AMER1: variants seen among roughly 807,000 people sequenced by gnomAD.
AMER1 encodes the protein APC membrane recruitment protein 1, also known as RP11-403E24.2.
AMER1 carries 16 observed loss-of-function variants against 53.0 expected under a neutral mutation model. The observed-to-expected ratio is 0.30, with a 90% CI of 0.20 to 0.46. AMER1 has a LOEUF of 0.46. AMER1 is among the 20% of genes least tolerant of loss of function. The pLI, the probability that AMER1 is intolerant of heterozygous loss-of-function variation, is 1.00. For missense variants in AMER1, 947 were observed against 884.9 expected, an observed-to-expected ratio of 1.07 and a Z score of -0.89; for synonymous variants, 354 against 331.9, an observed-to-expected ratio of 1.07 and a Z score of -0.73.
chrX:64,199,276 A>G (rs950695223), intron 1 of AMER1, among the ~76,000 whole-genome samples: 1 of 112,138 alleles, frequency 8.9e-6, no homozygotes, highest in Non-Finnish European at 1.9e-5. Context: ...CTGTTCATTC[A>G]TCTCTCTCAA....
intron 1 of AMER1, among the ~76,000 whole-genome samples, chrX:64,198,174 T>TA (rs1170814911): frequency 8.9e-6 from 1 of 112,086 alleles, no homozygotes; most frequent in Non-Finnish European, 1.9e-5. Context: ...TTCAGGGACC[T>TA]AAAAGAGTCA....
At chrX:64,193,452 G>T in intron 1 of AMER1, 68 bp from the exon 2 acceptor site, 2 of 731,464 alleles carry the variant, frequency 2.7e-6, no homozygotes, top group Non-Finnish European at 4.0e-6. Flanking sequence ...GGCTGGGTTT[G>T]CTTTCACCGG....
chrX:64,204,136 G>C (rs111573577), intron 1 of AMER1, among the ~76,000 whole-genome samples: 9,297 of 112,493 alleles, frequency 0.083, 993 homozygotes, highest in African/African-American at 0.29. Context: ...GTGCACCATG[G>C]TGCAGTGACT....
Position 64,185,647 on chromosome X carries a change from T to A in AMER1, c.*4232A>T, listed in dbSNP as rs1602064321. Reference sequence around the variant, plus strand: ...AAAGTCACTGTTCCCCAAAGTACCATCCACGTGTGAGCTGGAGCAGGGCAG... The same window carrying A: ...AAAGTCACTGTTCCCCAAAGTACCAACCACGTGTGAGCTGGAGCAGGGCAG... On this transcript the variant is annotated 3_prime_UTR_variant, in exon 2 of 2. Transcript: ENST00000374869. The A allele has an allele frequency of 5.7e-6, 1 of 174,333 alleles. No individual in the cohort carries two copies. Among genetic ancestry groups the A allele is most frequent in the Non-Finnish European group, 1.1e-5 (1 of 91,863 alleles). 14.4% of individuals were successfully genotyped at this position (174,333 alleles called of 1,213,427 possible). A position where few individuals can be genotyped will look rare whatever the true frequency, so the allele number is the denominator to read the frequency against.
intron 1 of AMER1, among the ~76,000 whole-genome samples, chrX:64,200,048 G>A (rs1930453654): frequency 8.9e-6 from 1 of 112,690 alleles, no homozygotes; most frequent in African/African-American, 3.2e-5. Flanking sequence ...AGGCTCTTGA[G>A]GTCCCCTCCC....
chrX:64,190,546 C>T lies in AMER1; in HGVS notation c.2741G>A (p.Gly914Asp), dbSNP rs750585107. ...MELSNSHLVQ[G>D]YLESDELQAQ... ...CTGCAGCTCATCAGACTCGAGGTAGCCCTGGACCAAGTGGGAATTGGAGAG... is the reference window on the plus strand; with the variant it reads ...CTGCAGCTCATCAGACTCGAGGTAGTCCTGGACCAAGTGGGAATTGGAGAG... Residue 914 changes from glycine (G) to aspartate (D), a missense_variant, in exon 2 of 2, where the codon GGC becomes GAC. Physicochemically the swap from Gly to Asp is moderately conservative, Grantham distance 94. Coordinates refer to ENST00000374869, the MANE Select transcript of AMER1 (RefSeq NM_152424.4). 6.6e-6 allele frequency: 8 copies of T among 1,211,823 alleles called. No individual in the cohort carries two copies. The highest frequency in any genetic ancestry group is 8.9e-6 in the Non-Finnish European group (8 of 895,483).
Position 64,187,696 on chromosome X carries a change from G to C in AMER1, c.*2183C>G. ...GGCAAGAGGTGGGTTCTTCCCTGTT[G>C]TAAAGGCATTTGGTGAGTGTTTACT... On this transcript the variant is annotated 3_prime_UTR_variant, in exon 2 of 2. Coordinates refer to ENST00000374869, the MANE Select transcript of AMER1 (RefSeq NM_152424.4). 1.3e-6 allele frequency: 1 copy of C among 775,069 alleles called. No homozygotes were observed. Among genetic ancestry groups the C allele is most frequent in the Non-Finnish European group, 1.5e-6 (1 of 651,206 alleles). The allele number at this position is 775,069 out of a possible 1,213,427, so 63.9% of individuals were successfully genotyped here.
intron 1 of AMER1, among the ~76,000 whole-genome samples, chrX:64,196,502 A>G (rs1380415763): frequency 1.8e-5 from 2 of 112,265 alleles, no homozygotes; most frequent in Non-Finnish European, 3.8e-5. Flanking sequence ...GCAACTGACC[A>G]TGTGTTAAAG....
In AMER1 at chrX:64,190,565, T is replaced by C. The variant is rs2147085448; in HGVS notation, c.2722A>G (p.Asn908Asp). 5.0e-6 allele frequency: 6 copies of C among 1,211,798 alleles called. No homozygotes were observed. The highest frequency in any genetic ancestry group is 6.7e-6 in the Non-Finnish European group (6 of 895,406). The change falls in exon 2 of 2, where the codon AAT (asparagine) becomes GAT (aspartate). Residue 908 changes from asparagine to aspartate, a missense_variant. Transcript: ENST00000374869. ...TAETLEMELS[N>D]SHLVQGYLES... Reference sequence around the variant, plus strand: ...AGGTAGCCCTGGACCAAGTGGGAATTGGAGAGCTCCATCTCCAGGGTCTCT... The same window carrying C: ...AGGTAGCCCTGGACCAAGTGGGAATCGGAGAGCTCCATCTCCAGGGTCTCT...
rs757705173 is a variant in AMER1 at position 64,197,024 on chromosome X, C to T, written c.-98-3640G>A. Among the ~76,000 whole-genome samples the T allele has an allele frequency of 1.4e-4, 16 of 112,563 alleles. No homozygotes were observed. The South Asian group carries it at 5.5e-3, about 39-fold the overall frequency. On this transcript the variant is annotated intron_variant, in intron 1 of 1. Coordinates refer to ENST00000374869, the MANE Select transcript of AMER1 (RefSeq NM_152424.4). ...TGGGTTATGCTGCCTTTACTTAGGA[C>T]CACAAGAGTTCACCAAGAGAGTGAG...
At position 64,193,204 on chromosome X, in the gene AMER1, C is replaced by G. The variant is rs770660992; in HGVS notation, c.83G>C (p.Gly28Ala). The part of the protein sequence containing the change: ...GSTREQTAEK[G>A]AKNKAAEATE... ...CGCCTCAGCTGCCTTGTTCTTGGCT[C>G]CTTTTTCTGCTGTTTGTTCACGGGT... The change falls in exon 2 of 2, where the codon GGA becomes GCA. Residue 28 changes from glycine (G) to alanine (A), a missense_variant. Physicochemically the swap from Gly to Ala is moderately conservative, Grantham distance 60. Coordinates refer to ENST00000374869, the MANE Select transcript of AMER1 (RefSeq NM_152424.4). 2 of 1,210,309 alleles carry G rather than the reference C, an allele frequency of 1.7e-6. No homozygotes were observed. The highest frequency in any genetic ancestry group is 3.5e-5 in the African/African-American group (2 of 57,268).
Position 64,190,047 on chromosome X carries a change from G to A in AMER1, c.3240C>T (p.Ile1080=), listed in dbSNP as rs2147084194. The A allele has an allele frequency of 4.1e-6, 5 of 1,204,958 alleles. No individual in the cohort carries two copies. Among genetic ancestry groups the A allele is most frequent in the Non-Finnish European group, 5.6e-6 (5 of 891,758 alleles). The change falls in exon 2 of 2, where the codon ATC becomes ATT. Residue 1080 remains isoleucine (I), a synonymous_variant. Transcript: ENST00000374869. Reference sequence around the variant, plus strand: ...TGGGCAGCTGAGGAATGCCATGGGTGATGCCCACAGGCTTGGCCTGTGGTA... The same window carrying A: ...TGGGCAGCTGAGGAATGCCATGGGTAATGCCCACAGGCTTGGCCTGTGGTA... ...SPLPQAKPVG[I]THGIPQLPRV... is the part of the protein sequence containing the mutation.
chrX:64,193,414 G>A, intron 1 of AMER1, 30 bp from the exon 2 acceptor site: 1 of 1,025,523 alleles, frequency 9.8e-7, no homozygotes, highest in East Asian at 3.1e-5. Flanking sequence ...CAAAGACAGA[G>A]AGACAGATAC....
chrX:64,201,021 A>C (rs1279979511), intron 1 of AMER1, among the ~76,000 whole-genome samples: 1 of 110,884 alleles, frequency 9.0e-6, no homozygotes, highest in East Asian at 2.8e-4. Context: ...CGGGGGTAAA[A>C]ACTGTAGGAG....
rs774076618 is a variant in AMER1 at position 64,190,951 on chromosome X, T to C, written c.2336A>G (p.Asn779Ser). The change falls in exon 2 of 2, where the codon AAT (asparagine) becomes AGT (serine). Residue 779 changes from asparagine to serine, a missense_variant. Physicochemically the swap from Asn to Ser is conservative, Grantham distance 46. Coordinates refer to ENST00000374869, the MANE Select transcript of AMER1 (RefSeq NM_152424.4). The stretch of plus-strand genomic sequence containing the variant: ...GGACATGCTGGAAAAGAGGTTCCCA[T>C]TGCTGGTGAACTCTACCAGGGCCTG... ...FSQALVEFTS[N>S]GNLFSSMSCS... 7 of 1,209,493 alleles carry C rather than the reference T, an allele frequency of 5.8e-6. No individual in the cohort carries two copies. The highest frequency in any genetic ancestry group is 6.7e-6 in the Non-Finnish European group (6 of 894,996).
At chrX:64,199,633 T>G (rs937620706) in intron 1 of AMER1, among the ~76,000 whole-genome samples, 1 of 111,180 alleles carries the variant, frequency 9.0e-6, no homozygotes, top group Non-Finnish European at 1.9e-5. Context: ...AGCTCCCCAA[T>G]TGCCACCCCA....
rs2147084402 is a variant in AMER1 at position 64,190,128 on chromosome X, C to T, written c.3159G>A (p.Leu1053=). The T allele has an allele frequency of 8.3e-7, 1 of 1,208,226 alleles. No individual in the cohort carries two copies. Among genetic ancestry groups the T allele is most frequent in the Non-Finnish European group, 1.1e-6 (1 of 893,698 alleles). Reference sequence around the variant, plus strand: ...AAGAGCAACTGGGCTCATCAACAGGCAGCAGCACATCTCGAGGCCTGGCCC... The same window carrying T: ...AAGAGCAACTGGGCTCATCAACAGGTAGCAGCACATCTCGAGGCCTGGCCC... ...SMRARPRDVL[L]PVDEPSCSSS... is the part of the protein sequence containing the mutation. Residue 1053 remains leucine (L), a synonymous_variant, in exon 2 of 2, where the codon CTG becomes CTA. Transcript: ENST00000374869.
chrX:64,196,305 T>C (rs1479802008), intron 1 of AMER1, among the ~76,000 whole-genome samples: 2 of 112,126 alleles, frequency 1.8e-5, no homozygotes, highest in Non-Finnish European at 3.8e-5. Context: ...GTGAGCTATT[T>C]TGAGATCAAA....
chrX:64,189,951 C>G lies in AMER1; in HGVS notation c.3336G>C (p.Glu1112Asp), dbSNP rs200797349. 8.3e-7 allele frequency: 1 copy of G among 1,206,954 alleles called. No homozygotes were observed. Among genetic ancestry groups the G allele is most frequent in the Non-Finnish European group, 1.1e-6 (1 of 893,282 alleles). Reference protein sequence around the residue: ...YGPSSLDLSKERAEQGASLAT... With the variant: ...YGPSSLDLSKDRAEQGASLAT... ...CAAGAGAGGCACCTTGCTCAGCCCT[C>G]TCCTTTGACAGGTCAAGGCTGGAAG... is the stretch of plus-strand genomic sequence containing the variant. Residue 1112 changes from glutamate (E) to aspartate (D), a missense_variant, in exon 2 of 2, where the codon GAG (glutamate) becomes GAC (aspartate). Glu to Asp is a conservative substitution (Grantham distance 45). Coordinates refer to ENST00000374869, the MANE Select transcript of AMER1 (RefSeq NM_152424.4).
Sources: gnomAD v4.1 joint callset for allele counts (sites outside exome capture counted in the v4.1 genomes callset) on GRCh38, gnomAD v4.1.1 for gene constraint, MANE v1.5 for transcripts, NCBI Gene and HGNC (gene_info 2026-07-23, HGNC 2026-07-21) for gene names.